Variants in NAV1 observed in about 807,000 individuals in gnomAD.
NAV1 encodes pore membrane and/or filament interacting like protein 3.
A neutral mutation model predicts 175.2 loss-of-function variants in NAV1; 18 were observed. That is an observed-to-expected ratio of 0.10 (90% CI 0.07 to 0.15). The LOEUF (loss-of-function observed/expected upper bound fraction) is 0.15, where lower values mean the gene tolerates loss of function less well. NAV1 is among the 10% of genes least tolerant of loss of function. NAV1 has a pLI of 1.00. For synonymous variants in NAV1, 897 were observed against 978.7 expected, an observed-to-expected ratio of 0.92 and a Z score of 1.56; for missense variants, 1,731 against 2,436.6, an observed-to-expected ratio of 0.71 and a Z score of 6.10.
At position 201,782,506 on chromosome 1, in the gene NAV1, G is replaced by A. The variant is rs1433884789; in HGVS notation, c.1994G>A (p.Arg665His). ...CCAGGATTCCTGGCTCCTGGAGCCCGTTCTAACATCCAGTACCGCAGCCTG... is the reference window on the plus strand; with the variant it reads ...CCAGGATTCCTGGCTCCTGGAGCCCATTCTAACATCCAGTACCGCAGCCTG... The change falls in exon 6 of 30, where the codon CGT becomes CAT. Residue 665 changes from arginine to histidine, a missense_variant. This residue lies in a region of NAV1 where 634 missense variants were observed against 766.8 expected (regional missense o/e 0.83). Transcript: ENST00000367296. The surrounding 1 kb of genome is among the most constrained non-coding windows in gnomAD (Gnocchi z 5.4). The A allele has an allele frequency of 2.5e-6, 4 of 1,612,906 alleles. No individual in the cohort carries two copies. The highest frequency in any genetic ancestry group is 2.2e-5 in the South Asian group (2 of 91,080).
intron 3 of NAV1, among the ~76,000 whole-genome samples, chr1:201,778,504 T>G (rs1351621519): frequency 6.6e-6 from 1 of 152,220 alleles, no homozygotes; most frequent in Non-Finnish European, 1.5e-5. Context: ...CTTTCCTCAG[T>G]ATTCTTTCTC....
intron 1 of NAV1, among the ~76,000 whole-genome samples, chr1:201,562,644 C>A (rs1375934996): frequency 1.3e-5 from 2 of 152,238 alleles, no homozygotes; most frequent in Non-Finnish European, 2.9e-5. Flanking sequence ...AAGCTCCAAG[C>A]TTCCTTCTGA....
chr1:201,702,672 TTCTC>T (rs756726434), intron 1 of NAV1, among the ~76,000 whole-genome samples: 6 of 1,728 alleles, frequency 3.5e-3, no homozygotes, highest in African/African-American at 3.8e-3. Flanking sequence ...GGTATGTGAA[TTCTC>T]TCTCTCTCTC....
intron 1 of NAV1, among the ~76,000 whole-genome samples, chr1:201,559,616 C>T (rs1171758155): frequency 6.6e-6 from 1 of 152,168 alleles, no homozygotes; most frequent in African/African-American, 2.4e-5. Context: ...GCCTGTTAGC[C>T]CAGAGCTGTG....
exon 1 of NAV1, chr1:201,648,941 C>T (rs1669081466): frequency 7.4e-6 from 12 of 1,612,902 alleles, no homozygotes; most frequent in Non-Finnish European, 1.0e-5. Context: ...AGAAGTCACT[C>T]ACCAACCTCT....
At chr1:201,823,615 C>A (rs1159742389) in exon 30 of NAV1, 1 of 152,200 alleles carries the variant, frequency 6.6e-6, no homozygotes, top group Non-Finnish European at 1.5e-5. Flanking sequence ...GAAGACCCTA[C>A]AATGAAATGT....
At position 201,799,950 on chromosome 1, in the gene NAV1, G is replaced by A. The variant is rs543345907; in HGVS notation, c.3518-3643G>A. The stretch of plus-strand genomic sequence containing the variant: ...TGAAACCTTCAAATAACTGATAGAC[G>A]GATGCATATACTTTGCTACCCTTTA... On this transcript the variant is annotated intron_variant, in intron 15 of 29. Transcript: ENST00000367296. 3.1e-4 allele frequency among the ~76,000 whole-genome samples: 47 copies of A among 150,998 alleles called. 1 individual carries two copies. The highest frequency in any genetic ancestry group is 2.5e-3 in the Admixed American group (38 of 15,176).
chr1:201,808,122 C>T lies in NAV1; in HGVS notation c.3818C>T (p.Ser1273Leu), dbSNP rs2820289. The change falls in exon 18 of 30, where the codon TCG (serine) becomes TTG (leucine). Residue 1273 changes from serine to leucine, a missense_variant. Physicochemically the swap from Ser to Leu is moderately radical, Grantham distance 145 (BLOSUM62 -2). This residue lies in a region of NAV1 where 146 missense variants were observed against 176.8 expected (regional missense o/e 0.83). Coordinates refer to ENST00000367296, the Ensembl canonical transcript of NAV1. The surrounding 1 kb of genome is among the most constrained non-coding windows in gnomAD (Gnocchi z 5.5). Reference sequence around the variant, plus strand: ...TCACCCTCCATCAAGTCCTCCACCTCGTCCTCCGTGGGCACTGATGTCACC... The same window carrying T: ...TCACCCTCCATCAAGTCCTCCACCTTGTCCTCCGTGGGCACTGATGTCACC... 0.077 allele frequency: 124,494 copies of T among 1,614,152 alleles called. 5,745 individuals are homozygous for T. Among genetic ancestry groups the T allele is most frequent in the East Asian group, 0.19 (8,596 of 44,866 alleles).
At chr1:201,698,763 T>A (rs1671289924) in intron 1 of NAV1, among the ~76,000 whole-genome samples, 1 of 152,174 alleles carries the variant, frequency 6.6e-6, no homozygotes, top group Non-Finnish European at 1.5e-5. Context: ...TGTCAGGGAT[T>A]TAGGGACAGG....
chr1:201,617,510 G>A (rs577501784), intron 2 of NAV1, among the ~76,000 whole-genome samples: 11 of 152,284 alleles, frequency 7.2e-5, no homozygotes, highest in Non-Finnish European at 1.2e-4. Context: ...AGGATTGCTC[G>A]AGCTCAGGAG....
chr1:201,789,514 G>A (rs1483037040), intron 10 of NAV1, among the ~76,000 whole-genome samples: 3 of 152,138 alleles, frequency 2.0e-5, no homozygotes, highest in African/African-American at 4.8e-5. Context: ...GCAAGGGACT[G>A]CCATACCCAG....
chr1:201,600,710 A>C (rs1667489530), intron 2 of NAV1, among the ~76,000 whole-genome samples: 1 of 152,138 alleles, frequency 6.6e-6, no homozygotes, highest in African/African-American at 2.4e-5. Context: ...CAGAAATTTC[A>C]AGCCTGGGGA....
At chr1:201,609,127 C>T (rs978879085) in intron 2 of NAV1, among the ~76,000 whole-genome samples, 2 of 152,220 alleles carry the variant, frequency 1.3e-5, no homozygotes, top group African/African-American at 4.8e-5. Context: ...TGTTCTGACT[C>T]CTGGGCTGCA....
chr1:201,787,791 G>A lies in NAV1; in HGVS notation c.2996-677G>A, dbSNP rs1229854164. ...GGGGTAAGGCATCTGCAGGTTAACG[G>A]GATTCAGCTGAACCCAGCTTCAAAG... On this transcript the variant is annotated intron_variant, in intron 9 of 29. Coordinates refer to ENST00000367296, the Ensembl canonical transcript of NAV1. This position sits in a 1 kb window ranked among gnomAD's most constrained non-coding sequence, Gnocchi z 4.3. The A allele has an allele frequency of 2.2e-6, 1 of 447,688 alleles. No homozygotes were observed. Among genetic ancestry groups the A allele is most frequent in the Admixed American group, 2.4e-5 (1 of 41,968 alleles). The allele number at this position is 447,688 out of a possible 1,614,324, so 27.7% of individuals were successfully genotyped here. A position where few individuals can be genotyped will look rare whatever the true frequency, so the allele number is the denominator to read the frequency against.
At chr1:201,615,997 G>C (rs964350893) in intron 2 of NAV1, among the ~76,000 whole-genome samples, 1 of 149,542 alleles carries the variant, frequency 6.7e-6, no homozygotes, top group South Asian at 2.1e-4. Context: ...AGGGACACTT[G>C]AAAAAGAAGG....
At chr1:201,767,597 C>T (rs1466187741) in intron 3 of NAV1, among the ~76,000 whole-genome samples, 4 of 152,002 alleles carry the variant, frequency 2.6e-5, no homozygotes, top group African/African-American at 9.7e-5. Context: ...TCCTTTTCTA[C>T]TAAGTCTTTG....
At chr1:201,608,973 T>C (rs1275193746) in intron 2 of NAV1, among the ~76,000 whole-genome samples, 1 of 152,164 alleles carries the variant, frequency 6.6e-6, no homozygotes, top group East Asian at 1.9e-4. Context: ...CAGAAACACA[T>C]AAGCAGCCGA....
intron 14 of NAV1, 52 bp downstream of exon 18, chr1:201,793,927 C>T (rs1188997736): frequency 1.4e-6 from 2 of 1,481,324 alleles, no homozygotes; most frequent in East Asian, 4.6e-5. Flanking sequence ...GGGGGTTCTC[C>T]TGGACAGAGA....
intron 1 of NAV1, 119 bp from the exon 4 acceptor site, chr1:201,629,285 G>A: frequency 1.7e-6 from 1 of 576,546 alleles, no homozygotes; most frequent in Middle Eastern, 6.8e-4. Flanking sequence ...GCCCTGAGTG[G>A]TGCAGGGCAC....
Sources: allele counts gnomAD v4.1 joint callset (sites outside exome capture counted in the v4.1 genomes callset), GRCh38; gene constraint gnomAD v4.1.1; regional missense constraint gnomAD v4.1.1; non-coding constraint Gnocchi (gnomAD v3.1); transcripts MANE v1.5; gene names NCBI Gene and HGNC (gene_info 2026-07-23, HGNC 2026-07-21).